Variants in ZFHX3 observed in about 807,000 individuals in gnomAD.
The protein encoded by ZFHX3 is zinc finger homeobox protein 3.
In ZFHX3, 42 loss-of-function variants were observed where a neutral mutation model predicts 279.1. That is an observed-to-expected ratio of 0.15 (90% CI 0.12 to 0.19). The LOEUF (loss-of-function observed/expected upper bound fraction) is 0.19, where lower values mean the gene tolerates loss of function less well. ZFHX3 is among the 10% of genes least tolerant of loss of function. ZFHX3 has a pLI of 1.00. For missense variants in ZFHX3, 4,981 were observed against 4,754.0 expected (o/e 1.05, Z -1.40); for synonymous variants, 2,293 against 1,957.8 (o/e 1.17, Z -4.52).
chr16:73,442,178 AAGG>A (rs2018105776), intron 3 of ZFHX3, among the ~76,000 whole-genome samples: 3 of 152,168 alleles, frequency 2.0e-5, no homozygotes, highest in Admixed American at 2.0e-4. Context: ...AGGCAAAGGG[AAGG>A]AGGAGCCTGG....
intron 5 of ZFHX3, among the ~76,000 whole-genome samples, chr16:73,184,739 A>G (rs556844001): frequency 6.6e-6 from 1 of 152,352 alleles, no homozygotes; most frequent in South Asian, 2.1e-4. Context: ...AGGAGGCCCA[A>G]GGATTCAATG....
chr16:73,845,081 T>C (rs1292226553), intron 1 of ZFHX3, among the ~76,000 whole-genome samples: 1 of 152,144 alleles, frequency 6.6e-6, no homozygotes, highest in Non-Finnish European at 1.5e-5. Context: ...CCCTCTATTC[T>C]TCCAGGAGGT....
intron 1 of ZFHX3, among the ~76,000 whole-genome samples, chr16:73,700,509 A>C (rs1443557627): frequency 6.6e-6 from 1 of 152,234 alleles, no homozygotes; most frequent in Non-Finnish European, 1.5e-5. Flanking sequence ...TGTAGAATAC[A>C]TGTTATTTTC....
chr16:73,717,147 T>C (rs1034703493), intron 1 of ZFHX3, among the ~76,000 whole-genome samples: 2 of 152,218 alleles, frequency 1.3e-5, no homozygotes, highest in African/African-American at 4.8e-5. Context: ...AACGCAGTTA[T>C]ACCTGGGCTC....
intron 5 of ZFHX3, among the ~76,000 whole-genome samples, chr16:73,197,040 G>A (rs550864355): frequency 2.8e-4 from 43 of 152,212 alleles, no homozygotes; most frequent in African/African-American, 1.0e-3. Flanking sequence ...TCTTCTGATG[G>A]AAGGAGTTAT....
At chr16:73,390,667 G>A (rs984806291) in intron 3 of ZFHX3, among the ~76,000 whole-genome samples, 1 of 152,144 alleles carries the variant, frequency 6.6e-6, no homozygotes, top group African/African-American at 2.4e-5. Context: ...GGCTTAAGGG[G>A]CTCAGGAAAT....
rs777910747 is a variant in ZFHX3, at chr16:72,787,758, G to C, written c.10518C>G (p.Thr3506=). The C allele has an allele frequency of 7.0e-7, 1 of 1,426,146 alleles. No homozygotes were observed. Among genetic ancestry groups the C allele is most frequent in the Middle Eastern group, 1.9e-4 (1 of 5,364 alleles). 88.3% of individuals were successfully genotyped at this position (1,426,146 alleles called of 1,614,324 possible). The change falls in exon 10 of 10, where the codon ACC becomes ACG. Residue 3506 remains threonine (T), a synonymous_variant. Coordinates refer to ENST00000268489, the MANE Select transcript of ZFHX3 (RefSeq NM_006885.4). ...CGCCACTGCCACCGCCGCCGCCGCC[G>C]GTGGGGACGTGAAGCACCATCTCTT... is the stretch of plus-strand genomic sequence containing the variant. ...NLQEMVLHVP[T]GGGGGGSGGG... is the part of the protein sequence containing the mutation.
intron 3 of ZFHX3, among the ~76,000 whole-genome samples, chr16:73,364,294 G>A (rs1338940205): frequency 6.6e-6 from 1 of 151,116 alleles, no homozygotes; most frequent in Admixed American, 6.6e-5. Context: ...TTTCTGACTG[G>A]TGTCTTTAAT....
At chr16:72,931,859 C>T (rs1959828024) in intron 3 of ZFHX3, among the ~76,000 whole-genome samples, 2 of 152,234 alleles carry the variant, frequency 1.3e-5, no homozygotes, top group Non-Finnish European at 2.9e-5. Context: ...CTAACACTCA[C>T]TTGCGTCCAG....
intron 1 of ZFHX3, among the ~76,000 whole-genome samples, chr16:73,010,584 C>A (rs143943494): frequency 0.012 from 1,764 of 152,282 alleles, 56 homozygotes; most frequent in Admixed American, 0.027. Flanking sequence ...CCTGCAGAAC[C>A]AGGTTACCTC....
intron 4 of ZFHX3, among the ~76,000 whole-genome samples, chr16:72,885,314 T>C (rs142463077): frequency 4.6e-5 from 7 of 152,376 alleles, no homozygotes; most frequent in African/African-American, 1.7e-4. Context: ...AGGACTTAGA[T>C]GTACGTGCCC....
intron 1 of ZFHX3, among the ~76,000 whole-genome samples, chr16:73,760,663 G>A (rs1342131108): frequency 6.6e-6 from 1 of 152,148 alleles, no homozygotes; most frequent in African/African-American, 2.4e-5. Context: ...TGCAAGGCTG[G>A]TTCAAGATAT....
In ZFHX3 at chr16:72,784,540, A is replaced by G. The variant is rs79783014; in HGVS notation, c.*2624T>C. 6.6e-6 allele frequency: 1 copy of G among 151,834 alleles called. No homozygotes were observed. Among genetic ancestry groups the G allele is most frequent in the African/African-American group, 2.4e-5 (1 of 41,188 alleles). The allele number at this position is 151,834 out of a possible 1,614,324, so 9.4% of individuals were successfully genotyped here. A position where few individuals can be genotyped will look rare whatever the true frequency, so the allele number is the denominator to read the frequency against. On this transcript the variant is annotated 3_prime_UTR_variant, in exon 10 of 10. Coordinates refer to ENST00000268489, the MANE Select transcript of ZFHX3 (RefSeq NM_006885.4). Reference sequence around the variant, plus strand: ...GAGTAACATACAACAGTTAAATGGCAAAAAATATATATATATATATTTCAT... The same window carrying G: ...GAGTAACATACAACAGTTAAATGGCGAAAAATATATATATATATATTTCAT...
At chr16:72,973,982 T>C (rs1465614445) in intron 1 of ZFHX3, 1 of 152,214 alleles carries the variant, frequency 6.6e-6, no homozygotes, top group Non-Finnish European at 1.5e-5. Context: ...GTTCACTAGT[T>C]TAATAGAAAG....
At chr16:73,876,098 C>A (rs892623939) in intron 1 of ZFHX3, among the ~76,000 whole-genome samples, 1 of 152,124 alleles carries the variant, frequency 6.6e-6, no homozygotes, top group Non-Finnish European at 1.5e-5. Flanking sequence ...AAAGCCACAG[C>A]GTATGAAACA....
chr16:73,078,229 C>T (rs145631577), intron 8 of ZFHX3, among the ~76,000 whole-genome samples: 221 of 152,350 alleles, frequency 1.5e-3, no homozygotes, highest in Non-Finnish European at 2.6e-3. Flanking sequence ...GCCACAGGAT[C>T]TGCACCCTTC....
At chr16:72,844,935 C>A (rs1228119636) in intron 4 of ZFHX3, among the ~76,000 whole-genome samples, 2 of 151,970 alleles carry the variant, frequency 1.3e-5, no homozygotes, top group Non-Finnish European at 2.9e-5. Flanking sequence ...AACAGTGCTC[C>A]CCTTCCCTGC....
intron 3 of ZFHX3, among the ~76,000 whole-genome samples, chr16:73,337,891 G>GC (rs1491104805): frequency 1.9e-5 from 2 of 107,576 alleles, no homozygotes; most frequent in Admixed American, 9.3e-5. Context: ...TCTTCCCTTG[G>GC]CGGGGGGGGG....
intron 2 of ZFHX3, among the ~76,000 whole-genome samples, chr16:73,600,642 G>A (rs1026371509): frequency 6.6e-6 from 1 of 151,910 alleles, no homozygotes; most frequent in African/African-American, 2.4e-5. Context: ...GAATGGTCTC[G>A]ATCTCTTGAC....
Sources: allele counts gnomAD v4.1 joint callset (sites outside exome capture counted in the v4.1 genomes callset), GRCh38; gene constraint gnomAD v4.1.1; transcripts MANE v1.5; gene names NCBI Gene and HGNC (gene_info 2026-07-23, HGNC 2026-07-21).